Variants in KAT2B observed in about 807,000 individuals in gnomAD.
KAT2B encodes the protein lysine acetyltransferase 2B, also known as histone acetyltransferase KAT2B.
A neutral mutation model predicts 105.9 loss-of-function variants in KAT2B; 36 were observed. The observed-to-expected ratio is 0.34, with a 90% CI of 0.26 to 0.45. The LOEUF (loss-of-function observed/expected upper bound fraction) is 0.45. KAT2B is among the 20% of genes least tolerant of loss of function. The pLI is 1.00. For missense variants in KAT2B, 820 were observed against 1,021.6 expected, an observed-to-expected ratio of 0.80 and a Z score of 2.69; for synonymous variants, 397 against 377.9, an observed-to-expected ratio of 1.05 and a Z score of -0.59.
At chr3:20,074,054 T>C (rs1378539686) in intron 2 of KAT2B, among the ~76,000 whole-genome samples, 1 of 152,020 alleles carries the variant, frequency 6.6e-6, no homozygotes, top group Non-Finnish European at 1.5e-5. Context: ...TGAAAACAAA[T>C]GCCCTCATTC....
chr3:20,112,079 A>G (rs905851210), intron 6 of KAT2B, among the ~76,000 whole-genome samples: 2 of 151,926 alleles, frequency 1.3e-5, no homozygotes, highest in African/African-American at 4.8e-5. Context: ...TTGTATATTC[A>G]GCGGCCAGGA....
chr3:20,072,530 C>G, intron 2 of KAT2B, 71 bp downstream of exon 2: 1 of 1,482,664 alleles, frequency 6.7e-7, no homozygotes, highest in Non-Finnish European at 9.4e-7. Flanking sequence ...TTACTGAATT[C>G]TGTGGGTTCA....
chr3:20,082,380 A>G (rs1698535459), intron 2 of KAT2B, among the ~76,000 whole-genome samples: 1 of 152,122 alleles, frequency 6.6e-6, no homozygotes, highest in African/African-American at 2.4e-5. Context: ...ACTTTAGTAA[A>G]TTTAACATTA....
rs1698912929 is a variant in KAT2B at position 20,101,620 on chromosome 3, T to A, written c.851+152T>A. 14 of 618,528 alleles carry A rather than the reference T, an allele frequency of 2.3e-5. No homozygotes were observed. The South Asian group carries it at 3.1e-4, about 14-fold the overall frequency. 38.3% of individuals were successfully genotyped at this position (618,528 alleles called of 1,614,324 possible). A position where few individuals can be genotyped will look rare whatever the true frequency, so the allele number is the denominator to read the frequency against. ...CTTTATAATTTAACTTGCAAACTCCTGCTTTTCATTGCTATCATAATATGT... is the reference window on the plus strand; with the variant it reads ...CTTTATAATTTAACTTGCAAACTCCAGCTTTTCATTGCTATCATAATATGT... On this transcript the variant is annotated intron_variant, in intron 5 of 17. Coordinates refer to ENST00000263754, the MANE Select transcript of KAT2B (RefSeq NM_003884.5).
intron 1 of KAT2B, among the ~76,000 whole-genome samples, chr3:20,070,109 T>C (rs1575115425): frequency 6.6e-6 from 1 of 152,072 alleles, no homozygotes; most frequent in African/African-American, 2.4e-5. Flanking sequence ...CTGGGGGATG[T>C]AGCTATGGGG....
At chr3:20,147,470 T>TA in intron 14 of KAT2B, among the ~76,000 whole-genome samples, 1 of 152,288 alleles carries the variant, frequency 6.6e-6, no homozygotes, top group Admixed American at 6.5e-5. Context: ...TAGGGTGAGT[T>TA]ACCTTTTAAG....
chr3:20,099,687 A>G (rs1373336463), intron 3 of KAT2B, among the ~76,000 whole-genome samples, 175 bp from the exon 4 acceptor site: 1 of 152,128 alleles, frequency 6.6e-6, no homozygotes, highest in African/African-American at 2.4e-5. Context: ...TTATTGACTT[A>G]AGGATTTGTT....
chr3:20,122,162 TACA>T (rs1255719072), intron 8 of KAT2B, among the ~76,000 whole-genome samples: 4 of 152,166 alleles, frequency 2.6e-5, no homozygotes, highest in Admixed American at 2.6e-4. Context: ...CTGATATCCA[TACA>T]ACATGATCTG....
chr3:20,081,736 A>C (rs777247394), intron 2 of KAT2B, among the ~76,000 whole-genome samples: 2 of 152,114 alleles, frequency 1.3e-5, no homozygotes, highest in Non-Finnish European at 2.9e-5. Flanking sequence ...CAGGTGGAGG[A>C]AAGATTGTAA....
At chr3:20,048,936 A>C (rs1697864233) in intron 1 of KAT2B, among the ~76,000 whole-genome samples, 1 of 151,856 alleles carries the variant, frequency 6.6e-6, no homozygotes. Context: ...AGTGGCGTGC[A>C]CTGCAACCTC....
rs1166610620 is a variant in KAT2B at position 20,062,308 on chromosome 3, A to ACT, written c.304-10025_304-10024insCT. Among the ~76,000 whole-genome samples, 23 of 63,272 alleles carry ACT rather than the reference A, an allele frequency of 3.6e-4. 3 individuals carry two copies. The highest frequency in any genetic ancestry group is 0.018 in the Middle Eastern group (2 of 114). 41.5% of individuals were successfully genotyped at this position (63,272 alleles called of 152,430 possible). A position where few individuals can be genotyped will look rare whatever the true frequency, so the allele number is the denominator to read the frequency against. On this transcript the variant is annotated intron_variant, in intron 1 of 17. Transcript: ENST00000263754. ...ATATAATATATAATATATAAAATAT[A>ACT]ATATATATAAAATATTTATTATGTA... is the stretch of plus-strand genomic sequence containing the variant.
intron 2 of KAT2B, among the ~76,000 whole-genome samples, chr3:20,073,814 T>C (rs558815347): frequency 2.0e-5 from 3 of 152,364 alleles, no homozygotes; most frequent in Non-Finnish European, 4.4e-5. Flanking sequence ...ACGTAATAAA[T>C]GTCTGGACTC....
chr3:20,101,083 T>C, intron 4 of KAT2B: 1 of 553,200 alleles, frequency 1.8e-6, no homozygotes, highest in Non-Finnish European at 3.2e-6. Flanking sequence ...AGCCTCTCTG[T>C]CTTGTCACTT....
chr3:20,139,091 G>T lies in KAT2B; in HGVS notation c.1861-1130G>T, dbSNP rs568374512. Among the ~76,000 whole-genome samples, 13 of 151,772 alleles carry T rather than the reference G, an allele frequency of 8.6e-5. 1 individual carries two copies. Among genetic ancestry groups the T allele is most frequent in the Admixed American group, 7.9e-4 (12 of 15,244 alleles). On this transcript the variant is annotated intron_variant, in intron 12 of 17. Coordinates refer to ENST00000263754, the MANE Select transcript of KAT2B (RefSeq NM_003884.5). ...TTTTTTAATCATTTGTAGAGATGGT[G>T]AGGGGTTGGGAGAGAATCTTGCTAT... is the stretch of plus-strand genomic sequence containing the variant.
intron 10 of KAT2B, among the ~76,000 whole-genome samples, chr3:20,126,335 T>C (rs1699403246): frequency 6.6e-6 from 1 of 152,202 alleles, no homozygotes. Context: ...CTTTATATTT[T>C]ACATTGCTGA....
chr3:20,140,633 GGT>G (rs1317331516), intron 13 of KAT2B, among the ~76,000 whole-genome samples: 1 of 152,098 alleles, frequency 6.6e-6, no homozygotes, highest in African/African-American at 2.4e-5. Context: ...TAAGATTACA[GGT>G]GTGTGCTACC....
In KAT2B at chr3:20,086,794, A is replaced by AT. The variant is rs11308672; in HGVS notation, c.431-8454dup. ...ATTTGTGTTATTTAAAAACAAATAG[A>AT]TTTTTTTTTTTTTTTGAGATGGAGT... On this transcript the variant is annotated intron_variant, in intron 2 of 17. Coordinates refer to ENST00000263754, the MANE Select transcript of KAT2B (RefSeq NM_003884.5). Among the ~76,000 whole-genome samples, 682 of 129,902 alleles carry AT rather than the reference A, an allele frequency of 5.3e-3. 2 individuals are homozygous for AT. The highest frequency in any genetic ancestry group is 8.3e-3 in the Non-Finnish European group (470 of 56,912). 85.2% of individuals were successfully genotyped at this position (129,902 alleles called of 152,430 possible). A position where few individuals can be genotyped will look rare whatever the true frequency, so the allele number is the denominator to read the frequency against.
intron 2 of KAT2B, among the ~76,000 whole-genome samples, chr3:20,072,923 A>T (rs915449040): frequency 6.6e-6 from 1 of 151,936 alleles, no homozygotes; most frequent in African/African-American, 2.4e-5. Context: ...TGTGTATCTG[A>T]TAGCTCTTTC....
At chr3:20,092,053 G>A (rs1698727839) in intron 2 of KAT2B, among the ~76,000 whole-genome samples, 1 of 152,038 alleles carries the variant, frequency 6.6e-6, no homozygotes, top group African/African-American at 2.4e-5. Flanking sequence ...TACTCTCATT[G>A]AATGGAATGT....
Sources: gnomAD v4.1 joint callset for allele counts (sites outside exome capture counted in the v4.1 genomes callset) on GRCh38, gnomAD v4.1.1 for gene constraint, MANE v1.5 for transcripts, NCBI Gene and HGNC (gene_info 2026-07-23, HGNC 2026-07-21) for gene names.